PCNX2: variants seen among roughly 807,000 people sequenced by gnomAD.
PCNX2 encodes the protein pecanex 2.
Under a neutral mutation model 223.8 loss-of-function variants are expected in PCNX2, and 168 were observed. The ratio of observed to expected loss-of-function variants is 0.75; its 90% CI spans 0.66 to 0.85. The LOEUF is 0.85. Among genes scored for constraint, PCNX2 ranks in the 40% least tolerant of loss-of-function variants. PCNX2 has a pLI of 0.00. For missense variants in PCNX2, 2,507 were observed against 2,675.5 expected (o/e 0.94, Z 1.39); for synonymous variants, 1,006 against 1,052.6 (o/e 0.96, Z 0.86).
At chr1:233,298,279 T>A (rs1403865053), upstream of PCNX2, among the ~76,000 whole-genome samples, 1 of 152,094 alleles carries the variant, frequency 6.6e-6, no homozygotes, top group East Asian at 1.9e-4. Flanking sequence ...GAAAGAACAA[T>A]TCAAGAAGGA....
chr1:233,272,294 G>GA (rs35023237), intron 1 of PCNX2, among the ~76,000 whole-genome samples: 3,754 of 120,404 alleles, frequency 0.031, 155 homozygotes, highest in African/African-American at 0.11. Context: ...CAATTAGCAA[G>GA]AAAAAAAAAA....
chr1:233,146,698 C>G (rs1677470561), intron 19 of PCNX2, among the ~76,000 whole-genome samples: 3 of 152,202 alleles, frequency 2.0e-5, no homozygotes, highest in Non-Finnish European at 4.4e-5. Flanking sequence ...ATAAGCCAAT[C>G]TCTTCCCAGT....
chr1:233,269,603 A>G (rs1328973531), intron 1 of PCNX2, among the ~76,000 whole-genome samples: 1 of 152,246 alleles, frequency 6.6e-6, no homozygotes, highest in Non-Finnish European at 1.5e-5. Flanking sequence ...AGGGACATTT[A>G]AAACTATCCC....
intron 23 of PCNX2, among the ~76,000 whole-genome samples, chr1:233,088,399 T>G (rs2102935540): frequency 6.6e-6 from 1 of 152,308 alleles, no homozygotes; most frequent in African/African-American, 2.4e-5. Flanking sequence ...CTCCTCTTAT[T>G]TACAAGTATT....
rs147593542 is a variant in PCNX2 at position 233,165,997 on chromosome 1, T to TA, written c.3274-4635dup. ...AGCACAGTAACTATGGTATTGATGG[T>TA]ATTGGTGCAAATACACATCTAGATC... On this transcript the variant is annotated intron_variant, in intron 17 of 33. Coordinates refer to ENST00000258229, the MANE Select transcript of PCNX2 (RefSeq NM_014801.4). Among the ~76,000 whole-genome samples, 1,481 of 152,284 alleles carry TA rather than the reference T, an allele frequency of 9.7e-3. 12 individuals carry two copies. The highest frequency in any genetic ancestry group is 0.016 in the Non-Finnish European group (1,108 of 68,012).
chr1:233,014,716 C>G lies in PCNX2; in HGVS notation c.4901G>C (p.Cys1634Ser), dbSNP rs1323060217. The change falls in exon 28 of 34, where the codon TGC becomes TCC. Residue 1634 changes from cysteine to serine, a missense_variant. Physicochemically the swap from Cys to Ser is moderately radical, Grantham distance 112. This residue lies in a region of PCNX2 where 1,372 missense variants were observed against 1,509.4 expected (regional missense o/e 0.91). Coordinates refer to ENST00000258229, the MANE Select transcript of PCNX2 (RefSeq NM_014801.4). Reference sequence around the variant, plus strand: ...TCCCAGAGCTCTCCTCCCCAGGGTGCACAGGGCGAAGGACAGAGTCACCAA... The same window carrying G: ...TCCCAGAGCTCTCCTCCCCAGGGTGGACAGGGCGAAGGACAGAGTCACCAA... ...SPLVTLSFAL[C>S]TLGRRALGTA... 1.2e-6 allele frequency: 2 copies of G among 1,614,000 alleles called. No homozygotes were observed. The highest frequency in any genetic ancestry group is 3.3e-5 in the Admixed American group (2 of 60,026).
chr1:233,068,865 C>A (rs1289553418), intron 23 of PCNX2, among the ~76,000 whole-genome samples: 1 of 151,886 alleles, frequency 6.6e-6, no homozygotes, highest in Non-Finnish European at 1.5e-5. Context: ...AATAATTACA[C>A]CAAACATAAA....
chr1:233,220,671 G>A (rs1431959123), intron 10 of PCNX2, among the ~76,000 whole-genome samples: 2 of 151,966 alleles, frequency 1.3e-5, no homozygotes, highest in East Asian at 1.9e-4. Flanking sequence ...TTTGTATACT[G>A]GATGACAATC....
In PCNX2 at chr1:233,021,164, G is replaced by A. The variant is rs1336418673; in HGVS notation, c.4605+3982C>T. Reference sequence around the variant, plus strand: ...GGTTCCAAGCCACCCCTTGCTGAAGGGCAGAAAAGCACTGAGTGCTGTATT... The same window carrying A: ...GGTTCCAAGCCACCCCTTGCTGAAGAGCAGAAAAGCACTGAGTGCTGTATT... On this transcript the variant is annotated intron_variant, in intron 26 of 33. Transcript: ENST00000258229. Among the ~76,000 whole-genome samples, 3 of 152,114 alleles carry A rather than the reference G, an allele frequency of 2.0e-5. No individual in the cohort carries two copies. The East Asian group carries it at 5.8e-4, about 29-fold the overall frequency.
chr1:233,116,448 T>C (rs1272363165), intron 21 of PCNX2, among the ~76,000 whole-genome samples: 1 of 151,976 alleles, frequency 6.6e-6, no homozygotes, highest in African/African-American at 2.4e-5. Context: ...AATGAAATCA[T>C]ACAGTGTACT....
chr1:233,211,206 C>T (rs1481231899), intron 12 of PCNX2, among the ~76,000 whole-genome samples: 3 of 152,120 alleles, frequency 2.0e-5, no homozygotes, highest in Non-Finnish European at 4.4e-5. Context: ...ACAGCCTGGC[C>T]AGGCTGCCTC....
chr1:233,141,799 G>GTGTA (rs368643677), intron 19 of PCNX2, among the ~76,000 whole-genome samples: 5,000 of 150,384 alleles, frequency 0.033, 275 homozygotes, highest in African/African-American at 0.12. Flanking sequence ...GTGTGTGTGT[G>GTGTA]TATATGAAGA....
At chr1:233,121,638 C>T (rs780317056) in intron 21 of PCNX2, among the ~76,000 whole-genome samples, 11 of 151,950 alleles carry the variant, frequency 7.2e-5, no homozygotes, top group Non-Finnish European at 1.2e-4. Context: ...ACTGTACATG[C>T]GAATTGGAAT....
chr1:233,139,900 T>A lies in PCNX2; in HGVS notation c.3518-45A>T. ...CACTTAGAACAACCACCGATCAAAG[T>A]ATTTTTCTTTAAGTACAGGTAATAA... On this transcript the variant is annotated intron_variant, in intron 19 of 33. Coordinates refer to ENST00000258229, the MANE Select transcript of PCNX2 (RefSeq NM_014801.4). This position sits in a 1 kb window ranked among gnomAD's most constrained non-coding sequence, Gnocchi z 4.4. 6.3e-7 allele frequency: 1 copy of A among 1,588,504 alleles called. No homozygotes were observed. The highest frequency in any genetic ancestry group is 1.8e-5 in the Admixed American group (1 of 55,222).
intron 9 of PCNX2, among the ~76,000 whole-genome samples, chr1:233,235,088 C>G (rs1042326100): frequency 6.6e-6 from 1 of 151,980 alleles, no homozygotes; most frequent in East Asian, 1.9e-4. Context: ...TCAGAAGTGC[C>G]CCTCTCAGGT....
At chr1:233,074,077 G>A (rs1672976616) in intron 23 of PCNX2, among the ~76,000 whole-genome samples, 1 of 151,548 alleles carries the variant, frequency 6.6e-6, no homozygotes, top group South Asian at 2.1e-4. Context: ...CATTGGTTGT[G>A]TGTTTTAATT....
intron 23 of PCNX2, among the ~76,000 whole-genome samples, chr1:233,087,612 G>A (rs1474001327): frequency 1.3e-5 from 2 of 152,186 alleles, no homozygotes; most frequent in Non-Finnish European, 2.9e-5. Flanking sequence ...GACCAGATGA[G>A]ATTTCCTGTC....
At chr1:233,230,139 T>A (rs1012934479) in intron 9 of PCNX2, among the ~76,000 whole-genome samples, 1 of 152,192 alleles carries the variant, frequency 6.6e-6, no homozygotes, top group African/African-American at 2.4e-5. Flanking sequence ...TAGAAATTTC[T>A]GGGAATAGGC....
chr1:232,999,718 G>A (rs1007191941), intron 30 of PCNX2: 1 of 248,226 alleles, frequency 4.0e-6, no homozygotes, highest in East Asian at 1.1e-4. Context: ...CCAATCTATT[G>A]GTTTTTAACT....
Sources: allele counts gnomAD v4.1 joint callset (sites outside exome capture counted in the v4.1 genomes callset), GRCh38; gene constraint gnomAD v4.1.1; regional missense constraint gnomAD v4.1.1; non-coding constraint Gnocchi (gnomAD v3.1); transcripts MANE v1.5; gene names NCBI Gene and HGNC (gene_info 2026-07-23, HGNC 2026-07-21).